TNR: variants seen among roughly 807,000 people sequenced by gnomAD.
TNR encodes the protein tenascin-R.
Under a neutral mutation model 150.4 loss-of-function variants are expected in TNR, and 45 were observed. The observed-to-expected ratio is 0.30, with a 90% CI of 0.24 to 0.38. The LOEUF is 0.38. Ranked by LOEUF, TNR falls within the 10% of genes least tolerant of loss-of-function variation. The pLI is 1.00. For missense variants in TNR, 1,544 were observed against 1,759.1 expected, an observed-to-expected ratio of 0.88 and a Z score of 2.19; for synonymous variants, 687 against 678.4, an observed-to-expected ratio of 1.01 and a Z score of -0.20.
At chr1:175,583,863 C>T (rs1662464296) in intron 1 of TNR, among the ~76,000 whole-genome samples, 1 of 152,268 alleles carries the variant, frequency 6.6e-6, no homozygotes, top group African/African-American at 2.4e-5. Flanking sequence ...CAAATATGTG[C>T]TGTAGAGAAC....
chr1:175,682,676 C>T (rs987570229), intron 1 of TNR, among the ~76,000 whole-genome samples: 9 of 152,074 alleles, frequency 5.9e-5, no homozygotes, highest in East Asian at 3.9e-4. Context: ...TGCCCTGAGA[C>T]GGATGTCAGT....
chr1:175,696,219 T>TTTGTTTTG (rs560267241), intron 1 of TNR, among the ~76,000 whole-genome samples: 3 of 42,098 alleles, frequency 7.1e-5, no homozygotes, highest in Admixed American at 3.3e-4. Context: ...TTCCTGTAGT[T>TTTGTTTTG]TTTTTTTTTT....
chr1:175,397,925 T>G (rs749317453), intron 4 of TNR, among the ~76,000 whole-genome samples: 4 of 152,228 alleles, frequency 2.6e-5, no homozygotes, highest in Non-Finnish European at 5.9e-5. Context: ...GACCTGCCCA[T>G]AGATTAAATC....
chr1:175,625,458 T>C (rs756500569), intron 1 of TNR, among the ~76,000 whole-genome samples: 1 of 152,234 alleles, frequency 6.6e-6, no homozygotes, highest in Non-Finnish European at 1.5e-5. Flanking sequence ...TGTGCTTTTT[T>C]GGCCTGTAGG....
At chr1:175,631,548 ATTC>A (rs1195039241) in intron 1 of TNR, among the ~76,000 whole-genome samples, 1 of 152,172 alleles carries the variant, frequency 6.6e-6, no homozygotes, top group African/African-American at 2.4e-5. Context: ...GCCCAAGACA[ATTC>A]TTCTTCTTCC....
chr1:175,387,796 G>A (rs761542759), intron 7 of TNR, among the ~76,000 whole-genome samples: 43 of 152,310 alleles, frequency 2.8e-4, no homozygotes, highest in Non-Finnish European at 4.6e-4. Context: ...CCTCAGGGCC[G>A]TCTTAGGCTG....
intron 1 of TNR, among the ~76,000 whole-genome samples, chr1:175,554,681 T>A (rs980782256): frequency 2.0e-5 from 3 of 152,126 alleles, no homozygotes; most frequent in Admixed American, 2.0e-4. Flanking sequence ...AAGGACAGGC[T>A]CCCAGCTCCA....
chr1:175,476,378 G>T (rs557089737), intron 2 of TNR, among the ~76,000 whole-genome samples: 23 of 152,266 alleles, frequency 1.5e-4, no homozygotes, highest in African/African-American at 5.5e-4. Flanking sequence ...TCAGAATGCT[G>T]CCCAGACTTC....
chr1:175,418,891 A>G (rs1654628552), intron 2 of TNR, among the ~76,000 whole-genome samples: 1 of 152,190 alleles, frequency 6.6e-6, no homozygotes, highest in South Asian at 2.1e-4. Context: ...TTTGCTTTGT[A>G]TCTGTGTGCT....
intron 1 of TNR, among the ~76,000 whole-genome samples, chr1:175,598,875 C>T (rs1663116653): frequency 6.6e-6 from 1 of 152,226 alleles, no homozygotes; most frequent in African/African-American, 2.4e-5. Flanking sequence ...TTCCCCAAGT[C>T]TTCACATTTT....
chr1:175,725,036 C>A (rs1054037424), intron 1 of TNR, among the ~76,000 whole-genome samples: 1 of 152,170 alleles, frequency 6.6e-6, no homozygotes, highest in African/African-American at 2.4e-5. Context: ...TCGTTAAGAA[C>A]TTTTGCCTGT....
At chr1:175,680,786 G>A (rs924823343) in intron 1 of TNR, among the ~76,000 whole-genome samples, 1 of 152,238 alleles carries the variant, frequency 6.6e-6, no homozygotes, top group Non-Finnish European at 1.5e-5. Context: ...CTGAGTACCA[G>A]TGTGTCTACA....
chr1:175,580,662 C>T (rs1312747934), intron 1 of TNR, among the ~76,000 whole-genome samples: 2 of 152,132 alleles, frequency 1.3e-5, no homozygotes, highest in Non-Finnish European at 2.9e-5. Flanking sequence ...TTTTGTGATT[C>T]ATTTAACTTA....
chr1:175,481,177 G>A (rs1361447356), intron 2 of TNR, among the ~76,000 whole-genome samples: 4 of 152,158 alleles, frequency 2.6e-5, no homozygotes, highest in Non-Finnish European at 5.9e-5. Context: ...CCTGTGAATA[G>A]CCTTATCTTA....
intron 2 of TNR, among the ~76,000 whole-genome samples, chr1:175,421,013 C>T (rs368302868): frequency 6.6e-6 from 1 of 151,976 alleles, no homozygotes. Flanking sequence ...TTTAAAGTTT[C>T]AGCCTTCTAC....
At chr1:175,421,531 A>AAGGG (rs1654755660) in intron 2 of TNR, among the ~76,000 whole-genome samples, 1 of 152,232 alleles carries the variant, frequency 6.6e-6, no homozygotes, top group Non-Finnish European at 1.5e-5. Flanking sequence ...GTTAGAAGAT[A>AAGGG]ATTATAAGAT....
intron 2 of TNR, among the ~76,000 whole-genome samples, chr1:175,439,150 C>G (rs1175940697): frequency 5.3e-5 from 8 of 152,164 alleles, no homozygotes. Flanking sequence ...GTAACCAAAA[C>G]AGCATGGTAC....
chr1:175,698,222 G>A (rs769089932), intron 1 of TNR, among the ~76,000 whole-genome samples: 1 of 152,308 alleles, frequency 6.6e-6, no homozygotes, highest in South Asian at 2.1e-4. Context: ...ACCACATGTC[G>A]GGTGGCACTC....
At position 175,525,099 on chromosome 1, in the gene TNR, A is replaced by G. The variant is rs77392882; in HGVS notation, c.-64+3170T>C. On this transcript the variant is annotated intron_variant, in intron 2 of 22. Coordinates refer to ENST00000367674, the MANE Select transcript of TNR (RefSeq NM_003285.3). ...TGTGGGCGGTTACCTCTATGTTGCT[A>G]TTCTCATGATGGTGGGTGAGTTTTC... Among the ~76,000 whole-genome samples the G allele has an allele frequency of 5.9e-5, 9 of 152,224 alleles. No homozygotes were observed. In the East Asian group the frequency reaches 1.7e-3, roughly 29 times the overall value.
Sources: gnomAD v4.1 joint callset for allele counts (sites outside exome capture counted in the v4.1 genomes callset) on GRCh38, gnomAD v4.1.1 for gene constraint, MANE v1.5 for transcripts, NCBI Gene and HGNC (gene_info 2026-07-23, HGNC 2026-07-21) for gene names.